LIMK2: variants seen among roughly 807,000 people sequenced by gnomAD.
LIMK2 encodes the protein LIM domain kinase 2.
A neutral mutation model predicts 75.7 loss-of-function variants in LIMK2; 35 were observed. That is an observed-to-expected ratio of 0.46 (90% CI 0.35 to 0.61). The LOEUF is 0.61. LIMK2 is among the 20% of genes least tolerant of loss of function. The probability of loss-of-function intolerance (pLI) is 0.00; values close to 1 mark genes in which losing one functional copy is unlikely to be tolerated. For missense variants in LIMK2, 623 were observed against 831.0 expected, an observed-to-expected ratio of 0.75 and a Z score of 3.08; for synonymous variants, 301 against 319.2, an observed-to-expected ratio of 0.94 and a Z score of 0.61.
rs139859629 is a variant in LIMK2 at position 31,241,373 on chromosome 22, A to C, written c.116+15554A>C. Among the ~76,000 whole-genome samples the C allele has an allele frequency of 1.9e-3, 296 of 152,308 alleles. 1 individual carries two copies. The highest frequency in any genetic ancestry group is 6.7e-3 in the African/African-American group (279 of 41,560). On this transcript the variant is annotated intron_variant, in intron 2 of 15. Coordinates refer to ENST00000331728, the MANE Select transcript of LIMK2 (RefSeq NM_005569.4). ...AACAGCAACCTTCTCTGTGAACCTT[A>C]GTTCCCTCAGGAACGGCTCTGGTCA...
rs976782351 is a variant in LIMK2, at chr22:31,212,316, C to A, written c.-93C>A. 7.2e-6 allele frequency: 9 copies of A among 1,244,498 alleles called. No individual in the cohort carries two copies. Among genetic ancestry groups the A allele is most frequent in the Non-Finnish European group, 9.3e-6 (9 of 970,402 alleles). The allele number at this position is 1,244,498 out of a possible 1,614,324, so 77.1% of individuals were successfully genotyped here. ...GGCTGTGGTCTTCCCGCGCCTGAGG[C>A]GGCGGCGGCAGGAGCTGAGGGGAGT... On this transcript the variant is annotated 5_prime_UTR_variant, in exon 1 of 16. Transcript: ENST00000331728.
intron 2 of LIMK2, among the ~76,000 whole-genome samples, chr22:31,233,780 A>G (rs185191213): frequency 8.3e-4 from 126 of 152,344 alleles, no homozygotes; most frequent in Non-Finnish European, 1.4e-3. Context: ...TGCCTAAGCC[A>G]GAAACCTAGG....
At chr22:31,256,598 C>G (rs1207864275) in intron 2 of LIMK2, among the ~76,000 whole-genome samples, 1 of 152,182 alleles carries the variant, frequency 6.6e-6, no homozygotes, top group Non-Finnish European at 1.5e-5. Flanking sequence ...CCTCGGCCTC[C>G]CAAAGTGCTG....
intron 15 of LIMK2, chr22:31,276,959 A>C: frequency 6.2e-7 from 1 of 1,613,860 alleles, no homozygotes; most frequent in Non-Finnish European, 8.5e-7. Context: ...TGCCAGGAAG[A>C]GGAGATCTCA....
chr22:31,256,409 C>T (rs1489556505), intron 2 of LIMK2, among the ~76,000 whole-genome samples: 1 of 150,076 alleles, frequency 6.7e-6, no homozygotes, highest in Non-Finnish European at 1.5e-5. Flanking sequence ...GGCGTGATCT[C>T]GACTCACTGC....
chr22:31,256,056 T>TG (rs1196805359), intron 2 of LIMK2, among the ~76,000 whole-genome samples: 2 of 133,644 alleles, frequency 1.5e-5, no homozygotes, highest in Non-Finnish European at 3.1e-5. Flanking sequence ...TGGAGTGCAG[T>TG]GGTGCAATTT....
At chr22:31,245,558 T>G (rs2123807726) in intron 2 of LIMK2, among the ~76,000 whole-genome samples, 1 of 152,278 alleles carries the variant, frequency 6.6e-6, no homozygotes, top group African/African-American at 2.4e-5. Flanking sequence ...CGCCTCAGCC[T>G]TCCAAAGTGC....
Position 31,275,307 on chromosome 22 carries a change from A to C in LIMK2, c.1771A>C (p.Arg591=), listed in dbSNP as rs1056353518. 1.2e-6 allele frequency: 2 copies of C among 1,614,130 alleles called. No homozygotes were observed. The highest frequency in any genetic ancestry group is 1.7e-6 in the Non-Finnish European group (2 of 1,180,020). ...CTGCTGCAGACTGGAGCCTGAGAGC[A>C]GGTTGGTATCCTGCCTTTTTCTCCC... ...AICCRLEPES[R]PAFSKLEDSF... The change falls in exon 15 of 16, where the codon AGA becomes CGA. Residue 591 remains arginine, a splice_region_variant and synonymous_variant. Coordinates refer to ENST00000331728, the MANE Select transcript of LIMK2 (RefSeq NM_005569.4).
intron 15 of LIMK2, chr22:31,277,415 T>TAA: frequency 1.0e-6 from 1 of 965,164 alleles, no homozygotes; most frequent in Admixed American, 8.6e-5. Context: ...TTGGTGCAGC[T>TAA]CAAAAAAAAA....
At chr22:31,217,574 G>C (rs1017927160) in intron 1 of LIMK2, among the ~76,000 whole-genome samples, 1 of 152,214 alleles carries the variant, frequency 6.6e-6, no homozygotes, top group Non-Finnish European at 1.5e-5. Flanking sequence ...CTTGCGTAGT[G>C]CTTAGGACAT....
At chr22:31,234,784 C>T (rs546751470) in intron 2 of LIMK2, among the ~76,000 whole-genome samples, 2 of 151,826 alleles carry the variant, frequency 1.3e-5, no homozygotes, top group Non-Finnish European at 2.9e-5. Context: ...GTAATGTGGC[C>T]TCTCTCCACA....
chr22:31,256,100 G>C (rs975150485), intron 2 of LIMK2, among the ~76,000 whole-genome samples: 9 of 139,984 alleles, frequency 6.4e-5, no homozygotes, highest in African/African-American at 2.4e-4. Context: ...CCAGGTTCAA[G>C]CGATTCTCCT....
chr22:31,233,814 C>T, intron 2 of LIMK2, among the ~76,000 whole-genome samples: 1 of 152,202 alleles, frequency 6.6e-6, no homozygotes, highest in South Asian at 2.1e-4. Context: ...TGTTCTCTCT[C>T]ATCCTGCATA....
chr22:31,250,667 C>T (rs10428007), intron 2 of LIMK2, among the ~76,000 whole-genome samples: 13,083 of 152,242 alleles, frequency 0.086, 858 homozygotes, highest in East Asian at 0.4. Context: ...GGAGGGACCA[C>T]CCAGACCCTC....
At chr22:31,245,414 G>A (rs1011520528) in intron 2 of LIMK2, among the ~76,000 whole-genome samples, 1 of 152,154 alleles carries the variant, frequency 6.6e-6, no homozygotes, top group Non-Finnish European at 1.5e-5. Context: ...CGATTCTCCT[G>A]TCTCAGCCTC....
At chr22:31,246,768 A>C (rs939312852) in intron 2 of LIMK2, among the ~76,000 whole-genome samples, 8 of 147,150 alleles carry the variant, frequency 5.4e-5, no homozygotes, top group African/African-American at 1.1e-4. Flanking sequence ...CAAAAAAAAA[A>C]AAACAAAAAA....
intron 2 of LIMK2, among the ~76,000 whole-genome samples, chr22:31,248,168 G>A (rs1018107176): frequency 2.0e-5 from 3 of 151,998 alleles, no homozygotes; most frequent in African/African-American, 7.3e-5. Context: ...CTGAGCTCAG[G>A]ATGGACGCTC....
chr22:31,238,807 A>C (rs2048601245), intron 2 of LIMK2, among the ~76,000 whole-genome samples: 1 of 152,206 alleles, frequency 6.6e-6, no homozygotes, highest in South Asian at 2.1e-4. Flanking sequence ...TCTGTTAACC[A>C]GGGTGATTTT....
intron 12 of LIMK2, 82 bp from the exon 13 acceptor site, chr22:31,272,448 G>T: frequency 7.5e-7 from 1 of 1,333,918 alleles, no homozygotes; most frequent in Non-Finnish European, 1.0e-6. Flanking sequence ...CTTCTCAGTG[G>T]CTTCTCTTGC....
Sources: allele counts gnomAD v4.1 joint callset (sites outside exome capture counted in the v4.1 genomes callset), GRCh38; gene constraint gnomAD v4.1.1; transcripts MANE v1.5; gene names NCBI Gene and HGNC (gene_info 2026-07-23, HGNC 2026-07-21).